ABL2: variants seen among roughly 807,000 people sequenced by gnomAD.
ABL2 encodes ABL proto-oncogene 2, non-receptor tyrosine kinase.
ABL2 carries 49 observed loss-of-function variants against 107.7 expected under a neutral mutation model. The observed-to-expected ratio is 0.45, with a 90% CI of 0.36 to 0.58. The LOEUF (loss-of-function observed/expected upper bound fraction) is 0.58, where lower values mean the gene tolerates loss of function less well. ABL2 is among the 20% of genes least tolerant of loss of function. ABL2 has a pLI of 0.00. For synonymous variants in ABL2, 549 were observed against 548.6 expected, an observed-to-expected ratio of 1.00 and a Z score of -0.01; for missense variants, 1,245 against 1,457.0, an observed-to-expected ratio of 0.85 and a Z score of 2.37.
chr1:179,210,833 G>T (rs966837870), intron 1 of ABL2, among the ~76,000 whole-genome samples: 1 of 151,698 alleles, frequency 6.6e-6, no homozygotes, highest in East Asian at 1.9e-4. Context: ...CAGCCTGGGC[G>T]ACACAGCAAG....
At chr1:179,117,881 G>T (rs1425469591) in intron 7 of ABL2, among the ~76,000 whole-genome samples, 1 of 151,950 alleles carries the variant, frequency 6.6e-6, no homozygotes, top group African/African-American at 2.4e-5. Context: ...CACTTTGGGA[G>T]GCCAAGGTGG....
rs1338447332 is a variant in ABL2 at position 179,109,453 on chromosome 1, T to C, written c.1826-12A>G. 3.8e-6 allele frequency: 6 copies of C among 1,592,034 alleles called. No homozygotes were observed. Among genetic ancestry groups the C allele is most frequent in the East Asian group, 2.2e-5 (1 of 44,710 alleles). On this transcript the variant is annotated splice_polypyrimidine_tract_variant and intron_variant, in intron 11 of 11. Transcript: ENST00000502732. ...ACCTCTGATGAACCCTGATGAGAAATGGCCGATCAGTAACTTAAAAGACAA... is the reference window on the plus strand; with the variant it reads ...ACCTCTGATGAACCCTGATGAGAAACGGCCGATCAGTAACTTAAAAGACAA...
intron 10 of ABL2, 96 bp from the exon 11 acceptor site, chr1:179,110,551 C>T (rs1001158096): frequency 2.0e-6 from 3 of 1,522,466 alleles, no homozygotes; most frequent in African/African-American, 1.4e-5. Flanking sequence ...AAAGAACTGG[C>T]AAGTAGAGTA....
intron 1 of ABL2, among the ~76,000 whole-genome samples, chr1:179,140,961 A>G (rs1414956759): frequency 6.6e-6 from 1 of 151,996 alleles, no homozygotes; most frequent in Non-Finnish European, 1.5e-5. Context: ...CCAACATGGC[A>G]AAACCCTGAC....
rs977583255 is a variant in ABL2 at position 179,104,149 on chromosome 1, T to C, written c.*3569A>G. 4.3e-6 allele frequency: 1 copy of C among 232,012 alleles called. No individual in the cohort carries two copies. The highest frequency in any genetic ancestry group is 8.5e-6 in the Non-Finnish European group (1 of 117,328). The allele number at this position is 232,012 out of a possible 1,614,324, so 14.4% of individuals were successfully genotyped here. ...GAACATTTATAGAGTGTGCTCATTG[T>C]GTGCCAGGCACTTGAGCTAAGTATC... On this transcript the variant is annotated 3_prime_UTR_variant, in exon 12 of 12. Coordinates refer to ENST00000502732, the MANE Select transcript of ABL2 (RefSeq NM_007314.4).
In ABL2 at chr1:179,126,277, C is replaced by T; in HGVS notation, c.687+100G>A. The T allele has an allele frequency of 7.5e-7, 1 of 1,342,090 alleles. No homozygotes were observed. Among genetic ancestry groups the T allele is most frequent in the Non-Finnish European group, 1.0e-6 (1 of 983,546 alleles). The allele number at this position is 1,342,090 out of a possible 1,614,324, so 83.1% of individuals were successfully genotyped here. On this transcript the variant is annotated intron_variant, in intron 4 of 11. Coordinates refer to ENST00000502732, the MANE Select transcript of ABL2 (RefSeq NM_007314.4). This position sits in a 1 kb window ranked among gnomAD's most constrained non-coding sequence, Gnocchi z 4.4. ...CACAAAGCTAGTGAATATTTTATTT[C>T]ACGTCAGACATAAAATCTATTATTT...
At chr1:179,192,079 A>G (rs576008723) in intron 1 of ABL2, among the ~76,000 whole-genome samples, 15 of 152,362 alleles carry the variant, frequency 9.8e-5, no homozygotes, top group African/African-American at 3.1e-4. Flanking sequence ...AAAATATAAC[A>G]AAATATTTGA....
Position 179,108,523 on chromosome 1 carries a change from G to A in ABL2, c.2744C>T (p.Ser915Phe), listed in dbSNP as rs1429558389. ...GAGGACGGGGGCAGCCTTGGCTGGA[G>A]AAGGCCAGCCCGGCTGCTCTCCATC... ...PEDGEQPGWP[S>F]PAKAAPVLPT... The change falls in exon 12 of 12, where the codon TCT becomes TTT. Residue 915 changes from serine to phenylalanine, a missense_variant. By Grantham distance (155) the Ser-to-Phe change is radical. This residue lies in a region of ABL2 where 761 missense variants were observed against 766.4 expected (regional missense o/e 0.99). Transcript: ENST00000502732. 1.2e-6 allele frequency: 2 copies of A among 1,614,176 alleles called. No individual in the cohort carries two copies. The highest frequency in any genetic ancestry group is 1.7e-6 in the Non-Finnish European group (2 of 1,180,012).
At position 179,229,530 on chromosome 1, in the gene ABL2, CG is replaced by C. The variant is rs1170523325; in HGVS notation, c.-134del. On this transcript the variant is annotated 5_prime_UTR_variant, in exon 1 of 12. Coordinates refer to ENST00000502732, the MANE Select transcript of ABL2 (RefSeq NM_007314.4). ...CCCTGGCCCTGAGTGGCTGGGCCAC[CG>C]GCGGCTCCGCACCCGGCCTCCTCAC... 1.1e-6 allele frequency: 1 copy of C among 947,618 alleles called. No individual in the cohort carries two copies. Among genetic ancestry groups the C allele is most frequent in the African/African-American group, 1.7e-5 (1 of 57,208 alleles). 58.7% of individuals were successfully genotyped at this position (947,618 alleles called of 1,614,324 possible).
intron 1 of ABL2, among the ~76,000 whole-genome samples, chr1:179,159,050 A>C (rs1323545742): frequency 6.6e-6 from 1 of 152,236 alleles, no homozygotes; most frequent in Non-Finnish European, 1.5e-5. Context: ...GGTGGTCAAG[A>C]GCATAGATGC....
chr1:179,223,169 T>G (rs1413395818), intron 1 of ABL2, among the ~76,000 whole-genome samples: 1 of 146,382 alleles, frequency 6.8e-6, no homozygotes, highest in Non-Finnish European at 1.5e-5. Context: ...ATCCCAGCAC[T>G]TTGGGAGGCC....
At chr1:179,131,848 TGTA>T (rs1557937662) in intron 2 of ABL2, among the ~76,000 whole-genome samples, 1 of 152,180 alleles carries the variant, frequency 6.6e-6, no homozygotes, top group African/African-American at 2.4e-5. Context: ...GATATTTTGT[TGTA>T]GTAGTGGTTG....
At chr1:179,216,580 TA>T (rs575268611) in intron 1 of ABL2, among the ~76,000 whole-genome samples, 3 of 152,068 alleles carry the variant, frequency 2.0e-5, no homozygotes, top group African/African-American at 4.8e-5. Context: ...AATAAATGAA[TA>T]AAAAAATAGA....
chr1:179,136,673 C>A (rs1222160712), intron 1 of ABL2, among the ~76,000 whole-genome samples: 2 of 147,868 alleles, frequency 1.4e-5, no homozygotes, highest in Admixed American at 6.8e-5. Flanking sequence ...CCTGCCAAAT[C>A]CCCCTCTGCG....
At chr1:179,115,124 T>C in intron 8 of ABL2, 94 bp from the exon 9 acceptor site, 1 of 1,192,080 alleles carries the variant, frequency 8.4e-7, no homozygotes, top group Non-Finnish European at 1.2e-6. Context: ...TAGGTAACAT[T>C]CACACACTGT....
rs17277288 is a variant in ABL2 at position 179,108,478 on chromosome 1, T to C, written c.2789A>G (p.Lys930Arg). ...AGTGGGTGAGATAAGGACTGGCACT[T>C]TGTGGTTGTGAGTGGTTGGGAGGAC... The part of the protein sequence containing the change: ...APVLPTTHNH[K>R]VPVLISPTLK... Residue 930 changes from lysine to arginine, a missense_variant, in exon 12 of 12, where the codon AAA (lysine) becomes AGA (arginine). Around this residue, in one of 3 missense-constraint regions of ABL2, gnomAD observed 761 missense variants for 766.4 expected, o/e 0.99. Coordinates refer to ENST00000502732, the MANE Select transcript of ABL2 (RefSeq NM_007314.4). The C allele has an allele frequency of 0.012, 19,751 of 1,614,164 alleles. 146 individuals are homozygous for C. Among genetic ancestry groups the C allele is most frequent in the Middle Eastern group, 0.026 (160 of 6,062 alleles).
At chr1:179,196,795 A>C (rs539501287) in intron 1 of ABL2, among the ~76,000 whole-genome samples, 1 of 152,170 alleles carries the variant, frequency 6.6e-6, no homozygotes, top group Non-Finnish European at 1.5e-5. Flanking sequence ...ACAAAAAAAA[A>C]AACCCCACTG....
At position 179,104,135 on chromosome 1, in the gene ABL2, G is replaced by C. The variant is rs1217868276; in HGVS notation, c.*3583C>G. 8.6e-6 allele frequency: 2 copies of C among 231,934 alleles called. No homozygotes were observed. Among genetic ancestry groups the C allele is most frequent in the African/African-American group, 4.4e-5 (2 of 45,270 alleles). The allele number at this position is 231,934 out of a possible 1,614,324, so 14.4% of individuals were successfully genotyped here. ...TAATAGTAGTAGTAGAACATTTATA[G>C]AGTGTGCTCATTGTGTGCCAGGCAC... On this transcript the variant is annotated 3_prime_UTR_variant, in exon 12 of 12. Transcript: ENST00000502732.
At chr1:179,229,208 C>CCCCCCCCCCCCCCAAAAA in intron 1 of ABL2, 33 bp downstream of exon 1, 2 of 1,488,056 alleles carry the variant, frequency 1.3e-6, no homozygotes, top group Non-Finnish European at 9.0e-7. Flanking sequence ...CGGCCTCCCC[C>CCCCCCCCCCCCCCAAAAA]ACGCTCTCAT....
Sources: gnomAD v4.1 joint callset for allele counts (sites outside exome capture counted in the v4.1 genomes callset) on GRCh38, gnomAD v4.1.1 for gene constraint, gnomAD v4.1.1 regional missense constraint, Gnocchi (gnomAD v3.1) non-coding constraint, MANE v1.5 for transcripts, NCBI Gene and HGNC (gene_info 2026-07-23, HGNC 2026-07-21) for gene names.